The following MKLN1 variants were observed in gnomAD, a reference collection of about 807,000 sequenced individuals.
MKLN1 encodes muskelin.
In MKLN1, 18 loss-of-function variants were observed where a neutral mutation model predicts 99.0. The observed-to-expected ratio is 0.18, with a 90% CI of 0.13 to 0.27. MKLN1 has a LOEUF of 0.27. Among genes scored for constraint, MKLN1 ranks in the 10% least tolerant of loss-of-function variants. The pLI, the probability that MKLN1 is intolerant of heterozygous loss-of-function variation, is 1.00. For missense variants in MKLN1, 621 were observed against 875.9 expected, an observed-to-expected ratio of 0.71 and a Z score of 3.67; for synonymous variants, 288 against 293.2, an observed-to-expected ratio of 0.98 and a Z score of 0.18.
chr7:131,139,694 C>T (rs1795702934), intron 1 of MKLN1, among the ~76,000 whole-genome samples: 1 of 152,196 alleles, frequency 6.6e-6, no homozygotes, highest in East Asian at 1.9e-4. Context: ...CAGCAGTGGA[C>T]TGCTCAGAGT....
At chr7:131,328,911 G>A (rs1171608391) in intron 1 of MKLN1, among the ~76,000 whole-genome samples, 1 of 152,086 alleles carries the variant, frequency 6.6e-6, no homozygotes, top group Non-Finnish European at 1.5e-5. Context: ...GCTTATCTTT[G>A]AAAGGAGGAG....
chr7:131,302,189 A>G (rs1472403849), intron 3 of MKLN1, among the ~76,000 whole-genome samples: 2 of 152,194 alleles, frequency 1.3e-5, no homozygotes, highest in Non-Finnish European at 2.9e-5. Context: ...TGCTCCATGT[A>G]TATTAATTCA....
intron 3 of MKLN1, among the ~76,000 whole-genome samples, chr7:131,387,995 T>C (rs187608766): frequency 4.6e-5 from 7 of 152,226 alleles, no homozygotes; most frequent in Non-Finnish European, 8.8e-5. Flanking sequence ...AGTGAAACCC[T>C]GTCTCTAATA....
In MKLN1 at chr7:131,491,245, C is replaced by T. The variant is rs1023463189; in HGVS notation, c.*3517C>T. 3 of 151,948 alleles carry T rather than the reference C, an allele frequency of 2.0e-5. No individual in the cohort carries two copies. Among genetic ancestry groups the T allele is most frequent in the Admixed American group, 2.0e-4 (3 of 15,240 alleles). 9.4% of individuals were successfully genotyped at this position (151,948 alleles called of 1,614,324 possible). Reference sequence around the variant, plus strand: ...TTAAAAAAAAAACACCCTTCCTAACCCTTCTTTTCTTAAAATTCCACATTC... The same window carrying T: ...TTAAAAAAAAAACACCCTTCCTAACTCTTCTTTTCTTAAAATTCCACATTC... On this transcript the variant is annotated 3_prime_UTR_variant, in exon 18 of 18. Coordinates refer to ENST00000352689, the MANE Select transcript of MKLN1 (RefSeq NM_013255.5).
At chr7:131,189,189 A>G (rs1312446605) in intron 2 of MKLN1, among the ~76,000 whole-genome samples, 12 of 152,196 alleles carry the variant, frequency 7.9e-5, no homozygotes, top group Admixed American at 7.9e-4. Flanking sequence ...ATTTGCCTCC[A>G]CTTTTATCAT....
chr7:131,448,957 G>A (rs1796099693), intron 12 of MKLN1, among the ~76,000 whole-genome samples: 1 of 152,196 alleles, frequency 6.6e-6, no homozygotes, highest in Non-Finnish European at 1.5e-5. Context: ...CTATGGACCT[G>A]GAGGATAAGA....
chr7:131,230,598 G>T (rs945572952), intron 3 of MKLN1, among the ~76,000 whole-genome samples: 1 of 152,192 alleles, frequency 6.6e-6, no homozygotes, highest in East Asian at 1.9e-4. Flanking sequence ...TTATGTAAGA[G>T]CATGTATTTA....
chr7:131,356,949 A>G (rs915327137), intron 1 of MKLN1, among the ~76,000 whole-genome samples: 6 of 152,170 alleles, frequency 3.9e-5, no homozygotes, highest in African/African-American at 1.2e-4. Flanking sequence ...AAAAAGCTTT[A>G]GAACAGTAAG....
intron 3 of MKLN1, among the ~76,000 whole-genome samples, chr7:131,235,778 A>G (rs1372096178): frequency 6.6e-6 from 1 of 152,188 alleles, no homozygotes; most frequent in Non-Finnish European, 1.5e-5. Flanking sequence ...TGTTTTAACC[A>G]TTGGTGCCCC....
Position 131,283,346 on chromosome 7 carries a change from C to CTTCCT in MKLN1, c.-179+80373_-179+80374insTCCTT, listed in dbSNP as rs1563278426. Among the ~76,000 whole-genome samples, 202 of 51,436 alleles carry CTTCCT rather than the reference C, an allele frequency of 3.9e-3. 8 individuals carry two copies. Among genetic ancestry groups the CTTCCT allele is most frequent in the African/African-American group, 0.017 (195 of 11,804 alleles). 33.7% of individuals were successfully genotyped at this position (51,436 alleles called of 152,430 possible). Reference sequence around the variant, plus strand: ...CCCTCCCTCCTTCCCTTCCCTTCCCCTCCTTCCTTCCTTCCTTCCTTCCTT... The same window carrying CTTCCT: ...CCCTCCCTCCTTCCCTTCCCTTCCCCTTCCTTCCTTCCTTCCTTCCTTCCTTCCTT... On this transcript the variant is annotated intron_variant, in intron 3 of 7. Coordinates refer to the MKLN1 transcript ENST00000416992.
intron 1 of MKLN1, among the ~76,000 whole-genome samples, chr7:131,369,239 G>A (rs540159201): frequency 1.4e-4 from 22 of 152,212 alleles, no homozygotes; most frequent in Admixed American, 1.0e-3. Flanking sequence ...TTTTATTTCT[G>A]TGGGATGGAT....
chr7:131,341,009 A>G (rs1042738559), intron 1 of MKLN1, among the ~76,000 whole-genome samples: 3 of 152,200 alleles, frequency 2.0e-5, no homozygotes, highest in Non-Finnish European at 1.5e-5. Flanking sequence ...TTTATAGGTA[A>G]TATTTTTAAT....
At chr7:131,242,985 C>A in intron 3 of MKLN1, 1 of 618,736 alleles carries the variant, frequency 1.6e-6, no homozygotes. Flanking sequence ...GCGGTTCTTC[C>A]AGAAGCTGCG....
chr7:131,487,826 G>C lies in MKLN1; in HGVS notation c.*98G>C. On this transcript the variant is annotated 3_prime_UTR_variant, in exon 18 of 18. Coordinates refer to ENST00000352689, the MANE Select transcript of MKLN1 (RefSeq NM_013255.5). The surrounding 1 kb of genome is among the most constrained non-coding windows in gnomAD (Gnocchi z 4.7). ...CTGACAGTAAAGCTGCAGTGATTGAGGACTGCACCAGAGTTCTGAAGGGAT... is the reference window on the plus strand; with the variant it reads ...CTGACAGTAAAGCTGCAGTGATTGACGACTGCACCAGAGTTCTGAAGGGAT... 7.1e-7 allele frequency: 1 copy of C among 1,400,180 alleles called. No homozygotes were observed. Among genetic ancestry groups the C allele is most frequent in the African/African-American group, 1.4e-5 (1 of 69,736 alleles). The allele number at this position is 1,400,180 out of a possible 1,614,324, so 86.7% of individuals were successfully genotyped here.
chr7:131,156,856 C>T (rs1371301143), intron 2 of MKLN1, among the ~76,000 whole-genome samples: 1 of 152,166 alleles, frequency 6.6e-6, no homozygotes, highest in Non-Finnish European at 1.5e-5. Context: ...ACTTTGTTTG[C>T]ATTATCTTGA....
intron 1 of MKLN1, among the ~76,000 whole-genome samples, chr7:131,360,221 CTTTG>C (rs1429915810): frequency 2.0e-5 from 3 of 152,004 alleles, no homozygotes; most frequent in South Asian, 4.2e-4. Context: ...CATATTTGGA[CTTTG>C]TTTTTTTTAT....
At chr7:131,140,575 C>T (rs1795716165) in intron 1 of MKLN1, among the ~76,000 whole-genome samples, 1 of 152,182 alleles carries the variant, frequency 6.6e-6, no homozygotes, top group South Asian at 2.1e-4. Flanking sequence ...CTCTCTCTGG[C>T]CATGTCATGT....
rs145342828 is a variant in MKLN1 at position 131,153,710 on chromosome 7, T to C, written c.-297+10769T>C. ...AGGAGTCTTGCTCTGTTGCTGAGGC[T>C]AGAGTGCAGTGGCACTATCTTGGCT... On this transcript the variant is annotated intron_variant, in intron 2 of 7. Transcript: ENST00000416992. Among the ~76,000 whole-genome samples, 639 of 140,146 alleles carry C rather than the reference T, an allele frequency of 4.6e-3. 8 individuals are homozygous for C. The highest frequency in any genetic ancestry group is 0.016 in the African/African-American group (612 of 38,324). The allele number at this position is 140,146 out of a possible 152,430, so 91.9% of individuals were successfully genotyped here.
chr7:131,442,843 G>T (rs1236621066), intron 10 of MKLN1, among the ~76,000 whole-genome samples: 1 of 152,140 alleles, frequency 6.6e-6, no homozygotes, highest in East Asian at 1.9e-4. Flanking sequence ...AAGAATGGAA[G>T]AATAAAGCTT....
Sources: allele counts gnomAD v4.1 joint callset (sites outside exome capture counted in the v4.1 genomes callset), GRCh38; gene constraint gnomAD v4.1.1; non-coding constraint Gnocchi (gnomAD v3.1); transcripts MANE v1.5; gene names NCBI Gene and HGNC (gene_info 2026-07-23, HGNC 2026-07-21).